FHIT: variants seen among roughly 807,000 people sequenced by gnomAD.
FHIT encodes fragile histidine triad diadenosine triphosphatase.
FHIT carries 19 observed loss-of-function variants against 17.9 expected under a neutral mutation model. That is an observed-to-expected ratio of 1.06 (90% CI 0.74 to 1.56). The LOEUF is 1.56. Ranked by LOEUF, FHIT falls within the 40% of genes most tolerant of loss-of-function variation. The probability of loss-of-function intolerance (pLI) is 0.00; values close to 1 mark genes in which losing one functional copy is unlikely to be tolerated. For missense variants in FHIT, 248 were observed against 189.2 expected (o/e 1.31, Z -1.82); for synonymous variants, 81 against 69.7 (o/e 1.16, Z -0.81).
At chr3:60,387,150 G>C (rs906601748) in intron 5 of FHIT, among the ~76,000 whole-genome samples, 6 of 151,184 alleles carry the variant, frequency 4.0e-5, no homozygotes, top group Non-Finnish European at 5.9e-5. Context: ...ACCACACCTA[G>C]CTAATTTTTT....
chr3:60,881,719 T>C (rs1704990406), intron 3 of FHIT, among the ~76,000 whole-genome samples: 1 of 151,834 alleles, frequency 6.6e-6, no homozygotes, highest in Non-Finnish European at 1.5e-5. Flanking sequence ...TTTATGAAAA[T>C]GGAAGCACAA....
intron 4 of FHIT, among the ~76,000 whole-genome samples, chr3:60,806,210 G>T (rs1575548316): frequency 6.6e-6 from 1 of 152,178 alleles, no homozygotes; most frequent in African/African-American, 2.4e-5. Context: ...GGGCTCAGTT[G>T]CTTCTCTCTT....
At position 60,114,001 on chromosome 3, in the gene FHIT, C is replaced by CAAAAAAAAAAA. The variant is rs1559644017; in HGVS notation, c.104-99850_104-99849insTTTTTTTTTTT. The stretch of plus-strand genomic sequence containing the variant: ...TGGGCAATAGAACAAGACCCCGTCT[C>CAAAAAAAAAAA]CAAAAAAAAAAAAAAAAAAAAAAAA... On this transcript the variant is annotated intron_variant, in intron 5 of 9. Coordinates refer to ENST00000492590, the MANE Select transcript of FHIT (RefSeq NM_002012.4). Among the ~76,000 whole-genome samples the CAAAAAAAAAAA allele has an allele frequency of 1.1e-4, 2 of 17,920 alleles. 1 individual carries two copies. Among genetic ancestry groups the CAAAAAAAAAAA allele is most frequent in the Non-Finnish European group, 1.5e-4 (2 of 13,640 alleles). 11.8% of individuals were successfully genotyped at this position (17,920 alleles called of 152,430 possible).
intron 5 of FHIT, among the ~76,000 whole-genome samples, chr3:60,046,914 A>T (rs2106860397): frequency 6.6e-6 from 1 of 152,342 alleles, no homozygotes; most frequent in Admixed American, 6.5e-5. Flanking sequence ...TACGCATTAC[A>T]AGATAACAAA....
chr3:60,057,146 C>G lies in FHIT; in HGVS notation c.104-42994G>C, dbSNP rs1426778769. Among the ~76,000 whole-genome samples, 29 of 152,124 alleles carry G rather than the reference C, an allele frequency of 1.9e-4. 1 individual carries two copies. Among genetic ancestry groups the G allele is most frequent in the Admixed American group, 1.7e-3 (26 of 15,272 alleles). ...GGAAGTGGGATTCACTTTGTGAACA[C>G]CTACTAGAAGCCAAGCCAGGTACAT... On this transcript the variant is annotated intron_variant, in intron 5 of 9. Coordinates refer to ENST00000492590, the MANE Select transcript of FHIT (RefSeq NM_002012.4).
intron 7 of FHIT, among the ~76,000 whole-genome samples, chr3:59,959,373 C>T (rs77392865): frequency 0.01 from 1,530 of 152,278 alleles, 26 homozygotes; most frequent in African/African-American, 0.034. Flanking sequence ...GACATGATTG[C>T]CTTTACTTGA....
Position 60,077,727 on chromosome 3 carries a change from CACAT to C in FHIT, c.104-63579_104-63576del, listed in dbSNP as rs1323686503. Among the ~76,000 whole-genome samples, 4 of 76,308 alleles carry C rather than the reference CACAT, an allele frequency of 5.2e-5. No homozygotes were observed. In the South Asian group the frequency reaches 1.1e-3, roughly 21 times the overall value. 50.1% of individuals were successfully genotyped at this position (76,308 alleles called of 152,430 possible). On this transcript the variant is annotated intron_variant, in intron 5 of 9. Coordinates refer to ENST00000492590, the MANE Select transcript of FHIT (RefSeq NM_002012.4). ...ACACACACACACACACACACACACA[CACAT>C]ATATAGAGGGGGGGGGGAGGATACA...
intron 1 of FHIT, among the ~76,000 whole-genome samples, chr3:61,236,171 T>A (rs1485329372): frequency 6.8e-6 from 1 of 148,080 alleles, no homozygotes; most frequent in Non-Finnish European, 1.5e-5. Context: ...TAACATATAC[T>A]ATAATAATAT....
intron 8 of FHIT, among the ~76,000 whole-genome samples, chr3:59,819,240 A>G (rs1352259999): frequency 6.6e-6 from 1 of 152,216 alleles, no homozygotes; most frequent in African/African-American, 2.4e-5. Context: ...TGTGGAAAGC[A>G]TTATGCTCTT....
chr3:60,342,423 T>C (rs887970924), intron 5 of FHIT, among the ~76,000 whole-genome samples: 5 of 152,234 alleles, frequency 3.3e-5, no homozygotes, highest in African/African-American at 1.2e-4. Context: ...CACCAAATTC[T>C]GATTTTAAAA....
At chr3:60,435,800 T>C (rs2030172533) in intron 5 of FHIT, among the ~76,000 whole-genome samples, 1 of 152,084 alleles carries the variant, frequency 6.6e-6, no homozygotes, top group African/African-American at 2.4e-5. Flanking sequence ...ATCGTCTCCC[T>C]CCTCTCACAC....
At chr3:59,952,805 G>A (rs1023049729) in intron 7 of FHIT, among the ~76,000 whole-genome samples, 4 of 152,136 alleles carry the variant, frequency 2.6e-5, no homozygotes, top group African/African-American at 9.7e-5. Context: ...GCTAGAGGGT[G>A]CAAAAACGTC....
intron 4 of FHIT, among the ~76,000 whole-genome samples, chr3:60,628,259 A>G (rs879951713): frequency 6.6e-6 from 1 of 152,184 alleles, no homozygotes; most frequent in African/African-American, 2.4e-5. Flanking sequence ...GCAAGTTTCC[A>G]AAAATATGTT....
intron 4 of FHIT, among the ~76,000 whole-genome samples, chr3:60,775,718 G>A (rs1173151680): frequency 2.0e-5 from 3 of 152,064 alleles, no homozygotes; most frequent in Non-Finnish European, 4.4e-5. Context: ...TCATCCCCGT[G>A]GCCTTTTCCT....
intron 4 of FHIT, among the ~76,000 whole-genome samples, chr3:60,611,923 T>C (rs1224838268): frequency 3.3e-5 from 5 of 152,276 alleles, no homozygotes; most frequent in Admixed American, 2.6e-4. Flanking sequence ...TAGGCAGTCA[T>C]GTAGGGCCCC....
At chr3:60,302,372 C>T (rs1260405067) in intron 5 of FHIT, among the ~76,000 whole-genome samples, 2 of 152,046 alleles carry the variant, frequency 1.3e-5, no homozygotes, top group Non-Finnish European at 2.9e-5. Context: ...CTACAACAGG[C>T]CTACTCCAAC....
At chr3:60,675,478 C>T (rs2040602706) in intron 4 of FHIT, among the ~76,000 whole-genome samples, 1 of 152,202 alleles carries the variant, frequency 6.6e-6, no homozygotes, top group South Asian at 2.1e-4. Context: ...CTCCCATATT[C>T]TCTCTTTTCA....
At chr3:60,671,660 C>A (rs782161497) in intron 4 of FHIT, among the ~76,000 whole-genome samples, 4 of 151,992 alleles carry the variant, frequency 2.6e-5, no homozygotes, top group Non-Finnish European at 4.4e-5. Context: ...GAATTATTGG[C>A]CGGGTGCAGT....
At chr3:61,072,361 C>T (rs916049235) in intron 2 of FHIT, among the ~76,000 whole-genome samples, 7 of 152,182 alleles carry the variant, frequency 4.6e-5, no homozygotes, top group African/African-American at 1.2e-4. Flanking sequence ...CTTCATTCCC[C>T]TTGCAAGGGA....
Sources: gnomAD v4.1 joint callset for allele counts (sites outside exome capture counted in the v4.1 genomes callset) on GRCh38, gnomAD v4.1.1 for gene constraint, MANE v1.5 for transcripts, NCBI Gene and HGNC (gene_info 2026-07-23, HGNC 2026-07-21) for gene names.